Variants in PDCD10 observed in about 807,000 individuals in gnomAD.
PDCD10 encodes the protein programmed cell death 10.
Under a neutral mutation model 29.2 loss-of-function variants are expected in PDCD10, and 4 were observed. The observed-to-expected ratio is 0.14, with a 90% CI of 0.07 to 0.31. The LOEUF (loss-of-function observed/expected upper bound fraction) is 0.31, where lower values mean the gene tolerates loss of function less well. Ranked by LOEUF, PDCD10 falls within the 10% of genes least tolerant of loss-of-function variation. The pLI is 1.00. For synonymous variants in PDCD10, 70 were observed against 82.2 expected (o/e 0.85, Z 0.80); for missense variants, 183 against 257.9 (o/e 0.71, Z 1.99).
At chr3:167,688,786 C>G (rs1024867794) in intron 6 of PDCD10, among the ~76,000 whole-genome samples, 9 of 152,100 alleles carry the variant, frequency 5.9e-5, no homozygotes, top group African/African-American at 9.7e-5. Flanking sequence ...ATTACTAATA[C>G]TAATTACAAA....
At chr3:167,724,129 CCTTACT>C (rs1723856861) in intron 2 of PDCD10, among the ~76,000 whole-genome samples, 1 of 152,142 alleles carries the variant, frequency 6.6e-6, no homozygotes, top group African/African-American at 2.4e-5. Context: ...CCTGAAACTG[CCTTACT>C]TTACTCCATC....
At chr3:167,709,139 C>T (rs1722281474) in intron 3 of PDCD10, among the ~76,000 whole-genome samples, 1 of 151,434 alleles carries the variant, frequency 6.6e-6, no homozygotes, top group African/African-American at 2.4e-5. Context: ...TTTATTTTAT[C>T]TTAACATGAA....
At chr3:167,684,741 C>A (rs1220326574) in intron 8 of PDCD10, among the ~76,000 whole-genome samples, 2 of 151,924 alleles carry the variant, frequency 1.3e-5, no homozygotes, top group Admixed American at 6.6e-5. Context: ...TAAAATCCAG[C>A]AAAGTATCAT....
At chr3:167,712,926 C>T (rs1195998169) in intron 3 of PDCD10, among the ~76,000 whole-genome samples, 2 of 151,932 alleles carry the variant, frequency 1.3e-5, no homozygotes, top group African/African-American at 2.4e-5. Context: ...TATATATGCA[C>T]CCAGTCCTGG....
intron 2 of PDCD10, among the ~76,000 whole-genome samples, chr3:167,721,669 G>A (rs191374029): frequency 1.2e-3 from 182 of 152,242 alleles, no homozygotes; most frequent in Non-Finnish European, 2.2e-3. Flanking sequence ...CAACACCTAC[G>A]GAAACTGTTT....
intron 8 of PDCD10, 132 bp from the exon 9 acceptor site, chr3:167,684,521 T>C (rs1383771750): frequency 4.3e-5 from 27 of 625,696 alleles, no homozygotes; most frequent in Non-Finnish European, 7.7e-5. Flanking sequence ...ATTAAAACTT[T>C]TATTCCAATT....
intron 2 of PDCD10, among the ~76,000 whole-genome samples, chr3:167,729,211 C>T (rs1319562809): frequency 3.9e-5 from 6 of 152,116 alleles, no homozygotes. Context: ...AAGTCAAACA[C>T]TTCACCTGGT....
intron 3 of PDCD10, among the ~76,000 whole-genome samples, chr3:167,711,882 G>A (rs1482443858): frequency 3.9e-5 from 6 of 152,056 alleles, no homozygotes; most frequent in African/African-American, 1.4e-4. Flanking sequence ...AATGCTGAAG[G>A]AAGAAATTTT....
rs543884194 is a variant in PDCD10, at chr3:167,705,031, G to A, written c.97-136C>T. The A allele has an allele frequency of 2.6e-5, 14 of 536,004 alleles. 1 individual carries two copies. Among genetic ancestry groups the A allele is most frequent in the African/African-American group, 7.6e-5 (4 of 52,364 alleles). The allele number at this position is 536,004 out of a possible 1,614,324, so 33.2% of individuals were successfully genotyped here. A position where few individuals can be genotyped will look rare whatever the true frequency, so the allele number is the denominator to read the frequency against. On this transcript the variant is annotated intron_variant, in intron 3 of 8. Coordinates refer to ENST00000392750, the MANE Select transcript of PDCD10 (RefSeq NM_007217.4). ...TTCTTGTTAACAATTGTACATCACCGTAATTCTTCAATTAGGCTATCAAAA... is the reference window on the plus strand; with the variant it reads ...TTCTTGTTAACAATTGTACATCACCATAATTCTTCAATTAGGCTATCAAAA...
intron 2 of PDCD10, among the ~76,000 whole-genome samples, chr3:167,722,825 C>G (rs1723723555): frequency 6.6e-6 from 1 of 152,100 alleles, no homozygotes; most frequent in Non-Finnish European, 1.5e-5. Flanking sequence ...CTACCTACCC[C>G]CTATAAACCT....
intron 8 of PDCD10, among the ~76,000 whole-genome samples, chr3:167,685,750 T>C (rs912675854): frequency 6.6e-6 from 1 of 152,212 alleles, no homozygotes; most frequent in African/African-American, 2.4e-5. Context: ...AAATTATTAT[T>C]TTAATGTGTT....
At chr3:167,719,194 A>C (rs1219713605) in intron 3 of PDCD10, among the ~76,000 whole-genome samples, 3 of 152,172 alleles carry the variant, frequency 2.0e-5, no homozygotes, top group Non-Finnish European at 4.4e-5. Context: ...TGGTGAGAGC[A>C]TATGGACTAT....
chr3:167,734,752 C>G lies in PDCD10; in HGVS notation c.-344G>C, dbSNP rs1382577588. 2.0e-5 allele frequency: 3 copies of G among 153,388 alleles called. No homozygotes were observed. The highest frequency in any genetic ancestry group is 3.4e-3 in the Middle Eastern group (1 of 298). The allele number at this position is 153,388 out of a possible 1,614,324, so 9.5% of individuals were successfully genotyped here. On this transcript the variant is annotated 5_prime_UTR_variant, in exon 1 of 9. Coordinates refer to ENST00000392750, the MANE Select transcript of PDCD10 (RefSeq NM_007217.4). ...CCATGGCCCCTGCGTGACCCTAGACCTCTTCTGCTCGGTGCAGAGCTACGG... is the reference window on the plus strand; with the variant it reads ...CCATGGCCCCTGCGTGACCCTAGACGTCTTCTGCTCGGTGCAGAGCTACGG...
At chr3:167,726,049 C>T (rs1461240984) in intron 2 of PDCD10, among the ~76,000 whole-genome samples, 1 of 149,858 alleles carries the variant, frequency 6.7e-6, no homozygotes, top group Non-Finnish European at 1.5e-5. Context: ...CTGAGACTTC[C>T]AGCTCATCTT....
chr3:167,685,195 A>G (rs959734868), intron 8 of PDCD10, among the ~76,000 whole-genome samples: 1 of 152,048 alleles, frequency 6.6e-6, no homozygotes, highest in Non-Finnish European at 1.5e-5. Context: ...GCGGATCATG[A>G]GGTCTCTTGG....
At chr3:167,714,369 C>A (rs1386823283) in intron 3 of PDCD10, among the ~76,000 whole-genome samples, 1 of 151,632 alleles carries the variant, frequency 6.6e-6, no homozygotes, top group Non-Finnish European at 1.5e-5. Flanking sequence ...AAAAGCCTTT[C>A]CTCTACGATG....
chr3:167,720,183 G>A lies in PDCD10; in HGVS notation c.-26C>T. The A allele has an allele frequency of 1.4e-6, 2 of 1,476,166 alleles. No individual in the cohort carries two copies. The highest frequency in any genetic ancestry group is 1.7e-5 in the Admixed American group (1 of 59,680). 91.4% of individuals were successfully genotyped at this position (1,476,166 alleles called of 1,614,324 possible). A position where few individuals can be genotyped will look rare whatever the true frequency, so the allele number is the denominator to read the frequency against. On this transcript the variant is annotated 5_prime_UTR_variant, in exon 3 of 9. Transcript: ENST00000392750. ...TCAAAAGCCAACTACAGTTGAAAAAGCAGTGCTAAAATGCAGAGGAATCTT... is the reference window on the plus strand; with the variant it reads ...TCAAAAGCCAACTACAGTTGAAAAAACAGTGCTAAAATGCAGAGGAATCTT...
At position 167,684,128 on chromosome 3, in the gene PDCD10, G is replaced by A; in HGVS notation, c.*180C>T. ...AAGTGATGCAAAATCTTCAGTGTGA[G>A]ATTATGATTAAGCTACATTTTACAA... On this transcript the variant is annotated 3_prime_UTR_variant, in exon 9 of 9. Transcript: ENST00000392750. 1 of 535,958 alleles carries A rather than the reference G, an allele frequency of 1.9e-6. No homozygotes were observed. Among genetic ancestry groups the A allele is most frequent in the Non-Finnish European group, 3.4e-6 (1 of 295,412 alleles). The allele number at this position is 535,958 out of a possible 1,614,324, so 33.2% of individuals were successfully genotyped here. A position where few individuals can be genotyped will look rare whatever the true frequency, so the allele number is the denominator to read the frequency against.
intron 8 of PDCD10, among the ~76,000 whole-genome samples, chr3:167,686,706 C>T (rs1719662917): frequency 6.6e-6 from 1 of 152,164 alleles, no homozygotes; most frequent in Admixed American, 6.5e-5. Flanking sequence ...TGCAATTTGA[C>T]TGTAACAAGT....
Sources: gnomAD v4.1 joint callset for allele counts (sites outside exome capture counted in the v4.1 genomes callset) on GRCh38, gnomAD v4.1.1 for gene constraint, MANE v1.5 for transcripts, NCBI Gene and HGNC (gene_info 2026-07-23, HGNC 2026-07-21) for gene names.